Variants in PKHD1L1 observed in about 807,000 individuals in gnomAD.
The protein encoded by PKHD1L1 is PKHD1 like 1, also known as fibrocystin-L.
In PKHD1L1, 434 loss-of-function variants were observed where a neutral mutation model predicts 462.9. The ratio of observed to expected loss-of-function variants is 0.94; its 90% CI spans 0.87 to 1.02. The LOEUF is 1.02. Ranked by LOEUF, PKHD1L1 falls within the 50% of genes least tolerant of loss-of-function variation. PKHD1L1 has a pLI of 0.00. For synonymous variants in PKHD1L1, 1,781 were observed against 1,750.0 expected, an observed-to-expected ratio of 1.02 and a Z score of -0.44; for missense variants, 5,202 against 5,096.1, an observed-to-expected ratio of 1.02 and a Z score of -0.63.
Position 109,381,464 on chromosome 8 carries a change from T to G in PKHD1L1, c.258T>G (p.Cys86Trp), listed in dbSNP as rs1586392607. 6.3e-7 allele frequency: 1 copy of G among 1,584,528 alleles called. No individual in the cohort carries two copies. Among genetic ancestry groups the G allele is most frequent in the Non-Finnish European group, 8.6e-7 (1 of 1,162,912 alleles). The change falls in exon 3 of 78, where the codon TGT becomes TGG. Residue 86 changes from cysteine (C) to tryptophan (W), a missense_variant. By Grantham distance (215) the Cys-to-Trp change is radical. Transcript: ENST00000378402. ...TTTCTTCTTTCCAGTCAATTACTTG[T>G]GATGTAGAAAAAGATGCAAGTCATT... ...QLISSFQSIT[C>W]DVEKDASHST...
At chr8:109,501,329 C>G (rs1819403509) in intron 67 of PKHD1L1, among the ~76,000 whole-genome samples, 1 of 152,078 alleles carries the variant, frequency 6.6e-6, no homozygotes, top group Admixed American at 6.6e-5. Flanking sequence ...CCTATTTTGT[C>G]GAACGTGAGT....
intron 57 of PKHD1L1, among the ~76,000 whole-genome samples, chr8:109,484,753 A>C (rs2607632): frequency 0.39 from 59,170 of 151,524 alleles, 11,712 homozygotes; most frequent in South Asian, 0.57. Context: ...AAAAATGTGA[A>C]TATGTTTGCT....
At chr8:109,397,519 GAAAGAAAAA>G (rs1813041065) in intron 11 of PKHD1L1, among the ~76,000 whole-genome samples, 1 of 147,902 alleles carries the variant, frequency 6.8e-6, no homozygotes, top group African/African-American at 2.4e-5. Flanking sequence ...TACAAAAAAA[GAAAGAAAAA>G]AAAGAAAAAA....
chr8:109,502,531 CTG>C (rs1479148998), intron 67 of PKHD1L1, among the ~76,000 whole-genome samples: 1 of 152,216 alleles, frequency 6.6e-6, no homozygotes, highest in Non-Finnish European at 1.5e-5. Context: ...CACTTTGTTT[CTG>C]TCAGGGCCTT....
At chr8:109,451,624 A>G (rs1221195421) in intron 41 of PKHD1L1, among the ~76,000 whole-genome samples, 2 of 152,186 alleles carry the variant, frequency 1.3e-5, no homozygotes, top group Admixed American at 6.5e-5. Context: ...AAATTTGTGT[A>G]CTGCATTGTC....
intron 18 of PKHD1L1, among the ~76,000 whole-genome samples, chr8:109,409,509 T>C (rs1344890944): frequency 6.6e-6 from 1 of 152,138 alleles, no homozygotes; most frequent in East Asian, 1.9e-4. Flanking sequence ...TTGAGTTATT[T>C]GGAAAAAGTA....
In PKHD1L1 at chr8:109,461,782, T is replaced by C; in HGVS notation, c.7257T>C (p.Ala2419=). The change falls in exon 48 of 78, where the codon GCT becomes GCC. Residue 2419 remains alanine (A), a synonymous_variant. Coordinates refer to ENST00000378402, the MANE Select transcript of PKHD1L1 (RefSeq NM_177531.6). ...CPDGFDTGEF[A]TQTCLQGKFG... ...AAAACTGTTTTGAAGGAGAATTTGC[T>C]ACACAGACCTGTCTCCAAGGAAAGT... is the stretch of plus-strand genomic sequence containing the variant. The C allele has an allele frequency of 6.2e-7, 1 of 1,607,710 alleles. No homozygotes were observed. The highest frequency in any genetic ancestry group is 8.5e-7 in the Non-Finnish European group (1 of 1,177,198).
chr8:109,509,922 A>G (rs1234664379), intron 70 of PKHD1L1, among the ~76,000 whole-genome samples: 1 of 152,122 alleles, frequency 6.6e-6, no homozygotes, highest in African/African-American at 2.4e-5. Flanking sequence ...ATTTCACTCA[A>G]TGTTTTATAT....
At chr8:109,511,296 A>C (rs1367521697) in intron 71 of PKHD1L1, among the ~76,000 whole-genome samples, 2 of 151,210 alleles carry the variant, frequency 1.3e-5, no homozygotes, top group Non-Finnish European at 3.0e-5. Context: ...TGCACCCATT[A>C]ACCCGTCATT....
In PKHD1L1 at chr8:109,477,293, G is replaced by A. The variant is rs138928405; in HGVS notation, c.8986G>A (p.Val2996Ile). The A allele has an allele frequency of 2.2e-5, 36 of 1,613,460 alleles. No homozygotes were observed. In the African/African-American group the frequency reaches 2.3e-4, roughly 10 times the overall value. The change falls in exon 53 of 78, where the codon GTT becomes ATT. Residue 2996 changes from valine to isoleucine, a missense_variant. Coordinates refer to ENST00000378402, the MANE Select transcript of PKHD1L1 (RefSeq NM_177531.6). The stretch of plus-strand genomic sequence containing the variant: ...GAACCTGGATCCTGATGTGAAAGAC[G>A]TTGTTATTAATTTCCAAGCTTACTG... ...SGNLDPDVKD[V>I]VINFQAYCCI...
intron 59 of PKHD1L1, among the ~76,000 whole-genome samples, chr8:109,489,686 G>A (rs767698455): frequency 6.6e-6 from 1 of 151,772 alleles, no homozygotes; most frequent in Non-Finnish European, 1.5e-5. Flanking sequence ...TCCTCCAAAG[G>A]GCCACTGTAT....
chr8:109,375,061 G>A (rs535981890), intron 2 of PKHD1L1, among the ~76,000 whole-genome samples: 3 of 152,252 alleles, frequency 2.0e-5, no homozygotes, highest in Admixed American at 2.0e-4. Flanking sequence ...TTGCTAGATT[G>A]GGGAAGTTCT....
intron 20 of PKHD1L1, among the ~76,000 whole-genome samples, chr8:109,413,103 C>A (rs1165093382): frequency 6.6e-6 from 1 of 152,002 alleles, no homozygotes; most frequent in Non-Finnish European, 1.5e-5. Flanking sequence ...TTTAAATTTA[C>A]TGAGTAGCTT....
chr8:109,477,476 A>C lies in PKHD1L1; in HGVS notation c.9089+80A>C, dbSNP rs567574562. The C allele has an allele frequency of 3.6e-5, 46 of 1,287,248 alleles. No individual in the cohort carries two copies. The East Asian group carries it at 1.1e-3, about 30-fold the overall frequency. 79.7% of individuals were successfully genotyped at this position (1,287,248 alleles called of 1,614,324 possible). A position where few individuals can be genotyped will look rare whatever the true frequency, so the allele number is the denominator to read the frequency against. On this transcript the variant is annotated intron_variant, in intron 53 of 77. Coordinates refer to ENST00000378402, the MANE Select transcript of PKHD1L1 (RefSeq NM_177531.6). The stretch of plus-strand genomic sequence containing the variant: ...TCACATGTCACTCCTGGGTGAAATA[A>C]TAATGCTTTACTCTTGCACAATGTC...
chr8:109,532,661 CAG>C lies in PKHD1L1; in HGVS notation c.*2575_*2576del, dbSNP rs1372046376. 6.6e-6 allele frequency among the ~76,000 whole-genome samples: 1 copy of C among 152,120 alleles called. No individual in the cohort carries two copies. Among genetic ancestry groups the C allele is most frequent in the African/African-American group, 2.4e-5 (1 of 41,418 alleles). On this transcript the variant is annotated 3_prime_UTR_variant, in exon 78 of 78. Coordinates refer to ENST00000378402, the MANE Select transcript of PKHD1L1 (RefSeq NM_177531.6). ...TTCCAATTTTGGTCAAAGTAAGAAA[CAG>C]AGAATAAAAAGTTAATAAGAATAGC... is the stretch of plus-strand genomic sequence containing the variant.
intron 17 of PKHD1L1, among the ~76,000 whole-genome samples, chr8:109,406,737 GA>G (rs1360805915): frequency 1.3e-5 from 2 of 152,014 alleles, no homozygotes; most frequent in Non-Finnish European, 2.9e-5. Flanking sequence ...AAAAACTAGT[GA>G]AAATATTCAT....
intron 70 of PKHD1L1, among the ~76,000 whole-genome samples, chr8:109,508,869 A>C (rs1225485918): frequency 6.6e-6 from 1 of 152,104 alleles, no homozygotes; most frequent in Non-Finnish European, 1.5e-5. Context: ...CTCCATGAGG[A>C]TGCAGATCAG....
At position 109,481,424 on chromosome 8, in the gene PKHD1L1, T is replaced by C. The variant is rs1017161384; in HGVS notation, c.9328-9T>C. On this transcript the variant is annotated splice_polypyrimidine_tract_variant and intron_variant, in intron 55 of 77. Coordinates refer to ENST00000378402, the MANE Select transcript of PKHD1L1 (RefSeq NM_177531.6). ...TTTTAAGTATTAACAATTTTCTGCT[T>C]CATTTCAGGGAGGTAGATTAATCGG... 1 of 1,571,388 alleles carries C rather than the reference T, an allele frequency of 6.4e-7. No individual in the cohort carries two copies.
At chr8:109,486,922 G>T (rs1818559321) in intron 59 of PKHD1L1, 101 bp downstream of exon 59, 2 of 1,252,212 alleles carry the variant, frequency 1.6e-6, no homozygotes, top group South Asian at 1.6e-5. Flanking sequence ...ATAAGATTAT[G>T]TGGGAAAATA....
Sources: gnomAD v4.1 joint callset for allele counts (sites outside exome capture counted in the v4.1 genomes callset) on GRCh38, gnomAD v4.1.1 for gene constraint, MANE v1.5 for transcripts, NCBI Gene and HGNC (gene_info 2026-07-23, HGNC 2026-07-21) for gene names.